NPC1: variants seen among roughly 807,000 people sequenced by gnomAD.
NPC1 encodes the protein Niemann-Pick C1 protein.
A neutral mutation model predicts 140.4 loss-of-function variants in NPC1; 85 were observed. That is an observed-to-expected ratio of 0.61 (90% CI 0.51 to 0.72). The LOEUF (loss-of-function observed/expected upper bound fraction) is 0.72. Among genes scored for constraint, NPC1 ranks in the 30% least tolerant of loss-of-function variants. NPC1 has a pLI of 0.00. For synonymous variants in NPC1, 656 were observed against 624.8 expected (o/e 1.05, Z -0.74); for missense variants, 1,504 against 1,623.8 (o/e 0.93, Z 1.27).
chr18:23,548,356 T>TTTA (rs57304245), intron 10 of NPC1, among the ~76,000 whole-genome samples: 1 of 150,492 alleles, frequency 6.6e-6, no homozygotes, highest in African/African-American at 2.5e-5. Flanking sequence ...TTTTTTTTTT[T>TTTA]AAAGGATACA....
intron 9 of NPC1, among the ~76,000 whole-genome samples, 177 bp downstream of exon 9, chr18:23,554,581 G>A (rs1343643363): frequency 2.0e-5 from 3 of 149,882 alleles, no homozygotes; most frequent in African/African-American, 5.0e-5. Flanking sequence ...ACTCCAGCCT[G>A]GGCGACAGAG....
At chr18:23,519,195 T>C, downstream of NPC1, 13 of 1,602,324 alleles carry the variant, frequency 8.1e-6, no homozygotes, top group Non-Finnish European at 1.1e-5. Context: ...TCTGCGTTTC[T>C]ACCAAAGTTA....
chr18:23,585,648 CAGA>C (rs977242206), intron 1 of NPC1, among the ~76,000 whole-genome samples: 1 of 152,154 alleles, frequency 6.6e-6, no homozygotes, highest in African/African-American at 2.4e-5. Flanking sequence ...CAAAAGCCCC[CAGA>C]AGGAGTCAGC....
chr18:23,586,266 C>G (rs2059417487), intron 1 of NPC1, 21 bp downstream of exon 1: 2 of 1,531,568 alleles, frequency 1.3e-6, no homozygotes, highest in Non-Finnish European at 1.7e-6. Context: ...CAGGGCGTCC[C>G]GGTGGCCGGC....
intron 16 of NPC1, among the ~76,000 whole-genome samples, chr18:23,540,837 G>A (rs1024717853): frequency 1.3e-5 from 2 of 152,284 alleles, no homozygotes; most frequent in African/African-American, 4.8e-5. Flanking sequence ...GCAACTTTCT[G>A]TGAATCTGAA....
At chr18:23,554,728 G>A (rs759380395) in intron 9 of NPC1, 30 bp downstream of exon 9, 9 of 1,565,284 alleles carry the variant, frequency 5.7e-6, no homozygotes, top group Non-Finnish European at 7.9e-6. Flanking sequence ...CAAGAATGGT[G>A]TCTACCAATG....
In NPC1 at chr18:23,573,595, C is replaced by T. The variant is rs1446111781; in HGVS notation, c.58-21G>A. ...AACACCTACAGAAAGTCAACACAAA[C>T]TTCAGTGTTACCAGGGTCTCAATGG... On this transcript the variant is annotated intron_variant, in intron 1 of 24. Coordinates refer to ENST00000269228, the MANE Select transcript of NPC1 (RefSeq NM_000271.5). 7 of 1,613,954 alleles carry T rather than the reference C, an allele frequency of 4.3e-6. No individual in the cohort carries two copies. In the South Asian group the frequency reaches 5.5e-5, roughly 13 times the overall value.
chr18:23,556,323 C>T lies in NPC1; in HGVS notation c.1246G>A (p.Asp416Asn). Residue 416 changes from aspartate to asparagine, a missense_variant, in exon 8 of 25, where the codon GAC becomes AAC. Asp to Asn is a conservative substitution (Grantham distance 23, BLOSUM62 1). Coordinates refer to ENST00000269228, the MANE Select transcript of NPC1 (RefSeq NM_000271.5). ...GGGTATGGCTGGTAAATGTGTTTGT[C>T]AGTGAGAGGGGCCCGGATGATGAGC... ...EQLIIRAPLTDKHIYQPYPSG... is the reference protein window; with the variant it reads ...EQLIIRAPLTNKHIYQPYPSG... 1 of 1,613,992 alleles carries T rather than the reference C, an allele frequency of 6.2e-7. No homozygotes were observed. The highest frequency in any genetic ancestry group is 8.5e-7 in the Non-Finnish European group (1 of 1,179,984).
rs778096289 is a variant in NPC1 at position 23,573,444 on chromosome 18, G to T, written c.180+8C>A. 6.8e-6 allele frequency: 11 copies of T among 1,613,952 alleles called. No homozygotes were observed. Among genetic ancestry groups the T allele is most frequent in the South Asian group, 2.2e-5 (2 of 91,064 alleles). On this transcript the variant is annotated splice_region_variant and intron_variant, in intron 2 of 24. Coordinates refer to ENST00000269228, the MANE Select transcript of NPC1 (RefSeq NM_000271.5). Reference sequence around the variant, plus strand: ...TTGTGTTCCCAGTGCCTAAGATAATGAACTTACCTGCACTAAGTCATATCC... The same window carrying T: ...TTGTGTTCCCAGTGCCTAAGATAATTAACTTACCTGCACTAAGTCATATCC...
At position 23,554,717 on chromosome 18, in the gene NPC1, C is replaced by G. The variant is rs772977189; in HGVS notation, c.1553+41G>C. 9 of 1,520,268 alleles carry G rather than the reference C, an allele frequency of 5.9e-6. No individual in the cohort carries two copies. In the Admixed American group the frequency reaches 1.5e-4, roughly 26 times the overall value. 94.2% of individuals were successfully genotyped at this position (1,520,268 alleles called of 1,614,324 possible). ...TTTGCCCATGTACCCTAAGTCAGAC[C>G]CAAGAATGGTGTCTACCAATGATTG... On this transcript the variant is annotated intron_variant, in intron 9 of 24. Coordinates refer to ENST00000269228, the MANE Select transcript of NPC1 (RefSeq NM_000271.5).
downstream of NPC1, chr18:23,529,973 C>T: frequency 6.8e-7 from 1 of 1,477,886 alleles, no homozygotes; most frequent in Non-Finnish European, 9.4e-7. Flanking sequence ...AGCCTCTAGT[C>T]TGTTGTAGCT....
chr18:23,519,267 C>T, downstream of NPC1: 1 of 1,160,766 alleles, frequency 8.6e-7, no homozygotes, highest in South Asian at 1.3e-5. Flanking sequence ...CCTGTAATCC[C>T]AGCACTTTGG....
chr18:23,551,581 G>A (rs1210977687), intron 10 of NPC1, 46 bp downstream of exon 10: 3 of 1,404,170 alleles, frequency 2.1e-6, no homozygotes, highest in African/African-American at 1.4e-5. Context: ...TGACAAAACC[G>A]AGATGACTTT....
At chr18:23,562,317 AC>A (rs2059054728) in intron 4 of NPC1, among the ~76,000 whole-genome samples, 1 of 151,364 alleles carries the variant, frequency 6.6e-6, no homozygotes, top group African/African-American at 2.4e-5. Flanking sequence ...AACAAAAAAA[AC>A]CCCTAATACT....
At chr18:23,563,644 G>C (rs1338334168) in intron 4 of NPC1, among the ~76,000 whole-genome samples, 2 of 152,150 alleles carry the variant, frequency 1.3e-5, no homozygotes, top group African/African-American at 4.8e-5. Context: ...AAACTCCTGA[G>C]CTAAGGTGAT....
At chr18:23,551,769 T>G in intron 9 of NPC1, 42 bp from the exon 10 acceptor site, 1 of 1,312,518 alleles carries the variant, frequency 7.6e-7, no homozygotes. Context: ...TAGAAGGGCC[T>G]CAAGACATCA....
chr18:23,568,098 A>T (rs1287118923), intron 4 of NPC1, among the ~76,000 whole-genome samples: 1 of 152,064 alleles, frequency 6.6e-6, no homozygotes, highest in Admixed American at 6.5e-5. Flanking sequence ...AATTAGATAA[A>T]TATAATCTAT....
Position 23,586,404 on chromosome 18 carries a change from C to G in NPC1, c.-61G>C. On this transcript the variant is annotated 5_prime_UTR_variant, in exon 1 of 25. Transcript: ENST00000269228. Reference sequence around the variant, plus strand: ...TTCGGCTGGTTGGGCTCCCCGGAGGCGGCTCTACTTCCCCGGGCTGTTTCA... The same window carrying G: ...TTCGGCTGGTTGGGCTCCCCGGAGGGGGCTCTACTTCCCCGGGCTGTTTCA... 1 of 1,528,520 alleles carries G rather than the reference C, an allele frequency of 6.5e-7. No homozygotes were observed. The highest frequency in any genetic ancestry group is 8.7e-7 in the Non-Finnish European group (1 of 1,144,130). 94.7% of individuals were successfully genotyped at this position (1,528,520 alleles called of 1,614,324 possible). A position where few individuals can be genotyped will look rare whatever the true frequency, so the allele number is the denominator to read the frequency against.
chr18:23,568,223 T>C (rs911052831), intron 4 of NPC1, among the ~76,000 whole-genome samples: 11 of 152,218 alleles, frequency 7.2e-5, no homozygotes, highest in Non-Finnish European at 2.9e-5. Context: ...CAAAATGACC[T>C]CTCTCCATTC....
Sources: allele counts gnomAD v4.1 joint callset (sites outside exome capture counted in the v4.1 genomes callset), GRCh38; gene constraint gnomAD v4.1.1; transcripts MANE v1.5; gene names NCBI Gene and HGNC (gene_info 2026-07-23, HGNC 2026-07-21).